The following CAMK2G variants were observed in gnomAD, a reference collection of about 807,000 sequenced individuals.
CAMK2G encodes calcium/calmodulin-dependent protein kinase type II subunit gamma.
In CAMK2G, 23 loss-of-function variants were observed where a neutral mutation model predicts 88.7. The ratio of observed to expected loss-of-function variants is 0.26; its 90% CI spans 0.19 to 0.37. CAMK2G has a LOEUF of 0.37. Ranked by LOEUF, CAMK2G falls within the 10% of genes least tolerant of loss-of-function variation. The pLI, the probability that CAMK2G is intolerant of heterozygous loss-of-function variation, is 1.00. For synonymous variants in CAMK2G, 263 were observed against 294.8 expected (o/e 0.89, Z 1.11); for missense variants, 476 against 780.8 (o/e 0.61, Z 4.65).
Position 73,848,757 on chromosome 10 carries a change from G to A in CAMK2G, c.518-148C>T. 1 of 648,686 alleles carries A rather than the reference G, an allele frequency of 1.5e-6. No homozygotes were observed. The highest frequency in any genetic ancestry group is 2.8e-6 in the Non-Finnish European group (1 of 363,216). 40.2% of individuals were successfully genotyped at this position (648,686 alleles called of 1,614,324 possible). A position where few individuals can be genotyped will look rare whatever the true frequency, so the allele number is the denominator to read the frequency against. On this transcript the variant is annotated intron_variant, in intron 7 of 22. Transcript: ENST00000423381. The surrounding 1 kb of genome is among the most constrained non-coding windows in gnomAD (Gnocchi z 4.5). ...ATGGGCAGCAAGAGCTGACAGGCTG[G>A]GCTTCTTGTAGCGCCTGGAATCTGA...
intron 2 of CAMK2G, among the ~76,000 whole-genome samples, chr10:73,861,776 G>A (rs1350734614): frequency 2.0e-5 from 3 of 152,216 alleles, no homozygotes; most frequent in Non-Finnish European, 2.9e-5. Flanking sequence ...TGGCAAGCCT[G>A]AAACATAATG....
At chr10:73,817,840 G>C (rs2086229265) in intron 19 of CAMK2G, 1 of 495,898 alleles carries the variant, frequency 2.0e-6, no homozygotes, top group Non-Finnish European at 3.7e-6. Flanking sequence ...AAACACGCTT[G>C]CCTTTAACAG....
At chr10:73,873,370 G>A in intron 1 of CAMK2G, 1 of 1,296,302 alleles carries the variant, frequency 7.7e-7, no homozygotes. Flanking sequence ...GAGCGGGTGG[G>A]CGATGCTGAA....
intron 14 of CAMK2G, among the ~76,000 whole-genome samples, chr10:73,831,046 G>A (rs1370787212): frequency 6.6e-6 from 1 of 152,216 alleles, no homozygotes; most frequent in Admixed American, 6.5e-5. Context: ...CTTTGAGAGA[G>A]CCTGGAAAGG....
chr10:73,858,936 C>A (rs1460662095), intron 3 of CAMK2G, among the ~76,000 whole-genome samples: 1 of 152,260 alleles, frequency 6.6e-6, no homozygotes, highest in Non-Finnish European at 1.5e-5. Flanking sequence ...ATGGTCAACC[C>A]GCCCGCATCG....
intron 10 of CAMK2G, among the ~76,000 whole-genome samples, chr10:73,845,877 T>C (rs2094200197): frequency 6.6e-6 from 1 of 151,926 alleles, no homozygotes; most frequent in Non-Finnish European, 1.5e-5. Context: ...CTCCAGCCCT[T>C]TTCTTTTAAA....
In CAMK2G at chr10:73,816,716, C is replaced by A. The variant is rs1336291137; in HGVS notation, c.1534+307G>T. On this transcript the variant is annotated intron_variant, in intron 21 of 22. Coordinates refer to ENST00000423381, the MANE Select transcript of CAMK2G (RefSeq NM_001367534.1). ...CCTCGTGATCCGCCAGCCTCAGCCT[C>A]CCAAAGTGTTGGGATTACAGGCGTA... 3.1e-6 allele frequency: 4 copies of A among 1,284,646 alleles called. No individual in the cohort carries two copies. In the East Asian group the frequency reaches 1.9e-4, roughly 60 times the overall value. 79.6% of individuals were successfully genotyped at this position (1,284,646 alleles called of 1,614,324 possible).
At chr10:73,854,024 A>C (rs1444367819) in intron 3 of CAMK2G, among the ~76,000 whole-genome samples, 1 of 152,158 alleles carries the variant, frequency 6.6e-6, no homozygotes, top group Non-Finnish European at 1.5e-5. Context: ...AGGGACACAA[A>C]GTCTCTTAAC....
rs1223637941 is a variant in CAMK2G at position 73,812,512 on chromosome 10, G to A, written c.*2006C>T. The A allele has an allele frequency of 6.6e-6, 1 of 152,568 alleles. No individual in the cohort carries two copies. Among genetic ancestry groups the A allele is most frequent in the East Asian group, 1.9e-4 (1 of 5,196 alleles). 9.5% of individuals were successfully genotyped at this position (152,568 alleles called of 1,614,324 possible). ...GCAGTAACACAATGGACTGTTTAAA[G>A]GTTATTTTATTAAATATTTTCAGTT... On this transcript the variant is annotated 3_prime_UTR_variant, in exon 23 of 23. Coordinates refer to ENST00000423381, the MANE Select transcript of CAMK2G (RefSeq NM_001367534.1).
chr10:73,841,064 G>T (rs1038689764), intron 12 of CAMK2G, among the ~76,000 whole-genome samples: 3 of 152,192 alleles, frequency 2.0e-5, no homozygotes, highest in African/African-American at 7.2e-5. Flanking sequence ...CACCAGCCCC[G>T]GGCTCACTAT....
rs1035880956 is a variant in CAMK2G at position 73,853,172 on chromosome 10, C to G, written c.275+20G>C. The G allele has an allele frequency of 2.5e-6, 4 of 1,612,144 alleles. No individual in the cohort carries two copies. In the African/African-American group the frequency reaches 5.3e-5, roughly 22 times the overall value. Reference sequence around the variant, plus strand: ...CAGCTAGAGGGAAAGGCCCCCACACCCTCAGAAAGTGGCACTTACAGGTCA... The same window carrying G: ...CAGCTAGAGGGAAAGGCCCCCACACGCTCAGAAAGTGGCACTTACAGGTCA... On this transcript the variant is annotated intron_variant, in intron 4 of 22. Coordinates refer to ENST00000423381, the MANE Select transcript of CAMK2G (RefSeq NM_001367534.1).
chr10:73,871,799 G>GGA (rs1388370135), intron 2 of CAMK2G, among the ~76,000 whole-genome samples: 3 of 152,190 alleles, frequency 2.0e-5, no homozygotes, highest in African/African-American at 7.2e-5. Flanking sequence ...CTAGAGGGAT[G>GGA]GAGAGAGAGT....
chr10:73,829,186 T>C (rs2091879729), intron 14 of CAMK2G, among the ~76,000 whole-genome samples: 1 of 152,140 alleles, frequency 6.6e-6, no homozygotes, highest in Non-Finnish European at 1.5e-5. Flanking sequence ...GCTACAAATA[T>C]TGACAATGGT....
In CAMK2G at chr10:73,849,429, G is replaced by C. The variant is rs537322190; in HGVS notation, c.342-96C>G. 12 of 800,270 alleles carry C rather than the reference G, an allele frequency of 1.5e-5. No individual in the cohort carries two copies. The African/African-American group carries it at 2.0e-4, about 13-fold the overall frequency. 49.6% of individuals were successfully genotyped at this position (800,270 alleles called of 1,614,324 possible). On this transcript the variant is annotated intron_variant, in intron 5 of 22. Coordinates refer to ENST00000423381, the MANE Select transcript of CAMK2G (RefSeq NM_001367534.1). Reference sequence around the variant, plus strand: ...CTGCAGACTAAGGCATGTGACAAGGGGCCACGGATTCACAGAGAATCACTT... The same window carrying C: ...CTGCAGACTAAGGCATGTGACAAGGCGCCACGGATTCACAGAGAATCACTT...
intron 21 of CAMK2G, chr10:73,816,789 G>A (rs1405660397): frequency 1.3e-6 from 2 of 1,495,010 alleles, no homozygotes; most frequent in Admixed American, 4.0e-5. Flanking sequence ...GTGGTGACTG[G>A]CACTGCCACA....
intron 14 of CAMK2G, among the ~76,000 whole-genome samples, chr10:73,831,534 TAAAAA>T (rs985986206): frequency 5.5e-5 from 3 of 54,614 alleles, no homozygotes; most frequent in East Asian, 5.0e-4. Flanking sequence ...AGACTCCGTC[TAAAAA>T]AAAAAAAAAA....
chr10:73,867,324 A>C (rs574831660), intron 2 of CAMK2G, among the ~76,000 whole-genome samples: 307 of 152,334 alleles, frequency 2.0e-3, no homozygotes, highest in African/African-American at 7.2e-3. Context: ...AGCAAGCCCC[A>C]AGAAGGCAAG....
intron 14 of CAMK2G, among the ~76,000 whole-genome samples, chr10:73,834,207 C>A (rs1590238006): frequency 6.6e-6 from 1 of 152,198 alleles, no homozygotes; most frequent in Non-Finnish European, 1.5e-5. Flanking sequence ...CGTGAGCCAC[C>A]ACGCCCAGCT....
At chr10:73,854,620 T>C (rs113553637) in intron 3 of CAMK2G, among the ~76,000 whole-genome samples, 2,797 of 152,250 alleles carry the variant, frequency 0.018, 83 homozygotes, top group African/African-American at 0.063. Flanking sequence ...GACAAAGAAA[T>C]GGCCATGTCT....
Sources: gnomAD v4.1 joint callset for allele counts (sites outside exome capture counted in the v4.1 genomes callset) on GRCh38, gnomAD v4.1.1 for gene constraint, Gnocchi (gnomAD v3.1) non-coding constraint, MANE v1.5 for transcripts, NCBI Gene and HGNC (gene_info 2026-07-23, HGNC 2026-07-21) for gene names.